Variants in MAPRE2 observed in about 807,000 individuals in gnomAD.
The protein encoded by MAPRE2 is microtubule associated protein RP/EB family member 2.
In MAPRE2, 13 loss-of-function variants were observed where a neutral mutation model predicts 43.2. That is an observed-to-expected ratio of 0.30 (90% CI 0.20 to 0.48). The LOEUF (loss-of-function observed/expected upper bound fraction) is 0.48. MAPRE2 is among the 20% of genes least tolerant of loss of function. MAPRE2 has a pLI of 0.99. For missense variants in MAPRE2, 161 were observed against 400.2 expected (o/e 0.40, Z 5.10); for synonymous variants, 135 against 148.8 (o/e 0.91, Z 0.68).
intron 1 of MAPRE2, among the ~76,000 whole-genome samples, chr18:34,988,185 G>A (rs2097021971): frequency 6.6e-6 from 1 of 152,182 alleles, no homozygotes; most frequent in Non-Finnish European, 1.5e-5. Flanking sequence ...AGGAGATCCA[G>A]TTGGGTCTAT....
chr18:34,997,995 C>T (rs1568966594), intron 1 of MAPRE2, among the ~76,000 whole-genome samples: 1 of 152,100 alleles, frequency 6.6e-6, no homozygotes, highest in Non-Finnish European at 1.5e-5. Context: ...ATATTGATTT[C>T]CCCAGTAGTT....
At chr18:35,066,105 C>A (rs1322995125) in intron 1 of MAPRE2, among the ~76,000 whole-genome samples, 1 of 152,210 alleles carries the variant, frequency 6.6e-6, no homozygotes, top group Non-Finnish European at 1.5e-5. Context: ...TTAGTATGAC[C>A]TTACCTTTCA....
chr18:35,132,196 T>A lies in MAPRE2; in HGVS notation c.909+6T>A, dbSNP rs751886504. 1.2e-6 allele frequency: 2 copies of A among 1,613,622 alleles called. No individual in the cohort carries two copies. The highest frequency in any genetic ancestry group is 1.7e-6 in the Non-Finnish European group (2 of 1,179,746). ...TGTATGCTTCAGAAGAACACGTAAG[T>A]GTGAGGAGCATGTGACTCCTGTGTT... On this transcript the variant is annotated splice_donor_region_variant and intron_variant, in intron 6 of 6. Coordinates refer to ENST00000300249, the MANE Select transcript of MAPRE2 (RefSeq NM_014268.4).
At chr18:34,991,034 T>G (rs571987480) in intron 1 of MAPRE2, among the ~76,000 whole-genome samples, 2 of 152,182 alleles carry the variant, frequency 1.3e-5, no homozygotes, top group Non-Finnish European at 2.9e-5. Flanking sequence ...AACTTCTATT[T>G]TAGATTCAGG....
At chr18:35,038,295 T>C (rs1387930314), upstream of MAPRE2, among the ~76,000 whole-genome samples, 1 of 152,216 alleles carries the variant, frequency 6.6e-6, no homozygotes, top group Non-Finnish European at 1.5e-5. Flanking sequence ...TCTAGATATC[T>C]TCTACATGGC....
intron 2 of MAPRE2, among the ~76,000 whole-genome samples, chr18:35,016,714 G>A (rs941223412): frequency 1.2e-4 from 18 of 151,758 alleles, no homozygotes; most frequent in African/African-American, 4.1e-4. Context: ...GACCTTTGTT[G>A]GATGCATAGT....
At chr18:35,072,208 A>G (rs1907146422) in intron 2 of MAPRE2, among the ~76,000 whole-genome samples, 1 of 152,252 alleles carries the variant, frequency 6.6e-6, no homozygotes, top group South Asian at 2.1e-4. Context: ...TGTTATTAGC[A>G]ATCACTTTGT....
chr18:35,042,131 G>A (rs1568980836), intron 1 of MAPRE2, among the ~76,000 whole-genome samples: 1 of 152,200 alleles, frequency 6.6e-6, no homozygotes, highest in East Asian at 1.9e-4. Flanking sequence ...AGTCTGTGAT[G>A]TTAAACCGCC....
chr18:35,134,082 G>C (rs1171078040), intron 6 of MAPRE2, among the ~76,000 whole-genome samples: 1 of 152,218 alleles, frequency 6.6e-6, no homozygotes, highest in African/African-American at 2.4e-5. Context: ...CCTGGTTGGG[G>C]TTTGAGGTAG....
At chr18:35,130,388 T>C (rs1720241667) in intron 5 of MAPRE2, among the ~76,000 whole-genome samples, 1 of 152,202 alleles carries the variant, frequency 6.6e-6, no homozygotes, top group African/African-American at 2.4e-5. Flanking sequence ...GCAAACTGGT[T>C]CTCCACTGCT....
chr18:35,045,793 T>C (rs891665375), intron 1 of MAPRE2, among the ~76,000 whole-genome samples: 3 of 152,222 alleles, frequency 2.0e-5, no homozygotes, highest in African/African-American at 7.2e-5. Flanking sequence ...ATCATCTAGG[T>C]TTAATACTGT....
At chr18:34,983,708 C>G (rs912497391) in intron 1 of MAPRE2, among the ~76,000 whole-genome samples, 5 of 152,192 alleles carry the variant, frequency 3.3e-5, no homozygotes, top group Non-Finnish European at 5.9e-5. Context: ...TGGCTCACTG[C>G]AACCTCCACC....
chr18:35,074,226 G>T (rs1285536857), intron 2 of MAPRE2, among the ~76,000 whole-genome samples: 1 of 152,192 alleles, frequency 6.6e-6, no homozygotes, highest in Non-Finnish European at 1.5e-5. Context: ...GATTGGTTCA[G>T]CTTATAGATA....
intron 4 of MAPRE2, among the ~76,000 whole-genome samples, chr18:35,115,574 T>C (rs1263139240): frequency 6.6e-6 from 1 of 152,154 alleles, no homozygotes; most frequent in African/African-American, 2.4e-5. Flanking sequence ...TCTTATGCCT[T>C]TGCATCCTCA....
intron 2 of MAPRE2, among the ~76,000 whole-genome samples, chr18:35,035,879 C>G (rs918540898): frequency 7.5e-6 from 1 of 133,360 alleles, no homozygotes; most frequent in African/African-American, 2.8e-5. Context: ...AGAGCGCTCA[C>G]AGCTGTAATG....
intron 2 of MAPRE2, among the ~76,000 whole-genome samples, chr18:35,013,518 G>T (rs2097036162): frequency 6.6e-6 from 1 of 152,076 alleles, no homozygotes. Flanking sequence ...ATTTCTTTCT[G>T]TTAGGAACAT....
At position 35,041,513 on chromosome 18, in the gene MAPRE2, T is replaced by G. The variant is rs1263685762; in HGVS notation, c.-27T>G. 1 of 1,613,960 alleles carries G rather than the reference T, an allele frequency of 6.2e-7. No individual in the cohort carries two copies. The highest frequency in any genetic ancestry group is 1.1e-5 in the South Asian group (1 of 91,080). ...TTCCTCACCAGCCAGCCCACAGCGG[T>G]TTGTTCCCCTTCTCGGGAGTGCGCC... On this transcript the variant is annotated 5_prime_UTR_variant, in exon 1 of 7. Coordinates refer to ENST00000300249, the MANE Select transcript of MAPRE2 (RefSeq NM_014268.4).
At chr18:35,109,494 G>T (rs1026369926) in intron 4 of MAPRE2, among the ~76,000 whole-genome samples, 2 of 152,170 alleles carry the variant, frequency 1.3e-5, no homozygotes, top group African/African-American at 4.8e-5. Context: ...ATTCTGTGAA[G>T]AATGTCAATG....
At chr18:35,095,526 T>TTG (rs1168004206) in intron 2 of MAPRE2, among the ~76,000 whole-genome samples, 1 of 151,476 alleles carries the variant, frequency 6.6e-6, no homozygotes, top group Non-Finnish European at 1.5e-5. Context: ...GAAGAGGGTT[T>TTG]TTTTTTTTTT....
Sources: gnomAD v4.1 joint callset for allele counts (sites outside exome capture counted in the v4.1 genomes callset) on GRCh38, gnomAD v4.1.1 for gene constraint, MANE v1.5 for transcripts, NCBI Gene and HGNC (gene_info 2026-07-23, HGNC 2026-07-21) for gene names.